The following ICAM1 variants were observed in gnomAD, a reference collection of about 807,000 sequenced individuals.
The protein encoded by ICAM1 is intercellular adhesion molecule 1, also known as ICAM-1.
A neutral mutation model predicts 42.3 loss-of-function variants in ICAM1; 28 were observed. The ratio of observed to expected loss-of-function variants is 0.66; its 90% confidence interval spans 0.49 to 0.91. ICAM1 has a LOEUF of 0.91. Ranked by LOEUF, ICAM1 falls within the 40% of genes least tolerant of loss-of-function variation. The pLI is 0.00. For synonymous variants in ICAM1, 304 were observed against 305.9 expected (o/e 0.99, Z 0.07); for missense variants, 637 against 688.6 (o/e 0.93, Z 0.84).
At position 10,271,215 on chromosome 19, in the gene ICAM1, C is replaced by G. The variant is rs751378879; in HGVS notation, c.56C>G (p.Ala19Gly). 1 of 1,613,312 alleles carries G rather than the reference C, an allele frequency of 6.2e-7. No individual in the cohort carries two copies. The highest frequency in any genetic ancestry group is 1.1e-5 in the South Asian group (1 of 90,948). Residue 19 changes from alanine (A) to glycine (G), a missense_variant, in exon 1 of 7, where the codon GCT (alanine) becomes GGT (glycine). Physicochemically the swap from Ala to Gly is moderately conservative, Grantham distance 60. Coordinates refer to ENST00000264832, the MANE Select transcript of ICAM1 (RefSeq NM_000201.3). ...ALPALLVLLG[A>G]LFPGPGNAQT... Reference sequence around the variant, plus strand: ...CCCGCACTCCTGGTCCTGCTCGGGGCTCTGTTCCCAGGTGAGTCGGGGTGG... The same window carrying G: ...CCCGCACTCCTGGTCCTGCTCGGGGGTCTGTTCCCAGGTGAGTCGGGGTGG...
rs1427204038 is a variant in ICAM1, at chr19:10,284,011, C to A, written c.638-22C>A. The A allele has an allele frequency of 1.2e-6, 2 of 1,604,696 alleles. No homozygotes were observed. Among genetic ancestry groups the A allele is most frequent in the Non-Finnish European group, 1.7e-6 (2 of 1,173,652 alleles). ...TTCGGGACGTCCATCCCTGTCTGCT[C>A]ACACCTTTCTTCTCTCCCTAGTCCT... On this transcript the variant is annotated intron_variant, in intron 3 of 6. Coordinates refer to ENST00000264832, the MANE Select transcript of ICAM1 (RefSeq NM_000201.3). The surrounding 1 kb of genome is among the most constrained non-coding windows in gnomAD (Gnocchi z 5.4).
At chr19:10,283,199 T>G in intron 2 of ICAM1, 1 of 332,584 alleles carries the variant, frequency 3.0e-6, no homozygotes. Context: ...GGCTGCTGAA[T>G]TTATTTGACC....
Position 10,272,866 on chromosome 19 carries a change from G to C in ICAM1, c.67+1640G>C, listed in dbSNP as rs774966569. ...CCCCTTCTTTCTTACCTGCAAGGTA[G>C]CCAGTTGCTACCCATCCTGTGCTGA... is the stretch of plus-strand genomic sequence containing the variant. On this transcript the variant is annotated intron_variant, in intron 1 of 6. Transcript: ENST00000264832. Among the ~76,000 whole-genome samples the C allele has an allele frequency of 4.8e-4, 73 of 152,116 alleles. 1 individual carries two copies. Among genetic ancestry groups the C allele is most frequent in the Non-Finnish European group, 1.5e-4 (10 of 68,030 alleles).
Position 10,286,112 on chromosome 19 carries a change from G to A in ICAM1, c.*825G>A, listed in dbSNP as rs541617413. 1.4e-4 allele frequency: 22 copies of A among 152,482 alleles called. No individual in the cohort carries two copies. The highest frequency in any genetic ancestry group is 4.8e-4 in the African/African-American group (20 of 41,574). The allele number at this position is 152,482 out of a possible 1,614,324, so 9.4% of individuals were successfully genotyped here. ...CCTTCCCCCCAAAACTGACACCTTTGTTAGCCACCTCCCCACCCACATACA... is the reference window on the plus strand; with the variant it reads ...CCTTCCCCCCAAAACTGACACCTTTATTAGCCACCTCCCCACCCACATACA... On this transcript the variant is annotated 3_prime_UTR_variant, in exon 7 of 7. Transcript: ENST00000264832.
intron 2 of ICAM1, among the ~76,000 whole-genome samples, chr19:10,275,562 C>T (rs965456465): frequency 1.3e-5 from 2 of 152,140 alleles, no homozygotes; most frequent in Non-Finnish European, 2.9e-5. Context: ...CTGCTTCAGA[C>T]ACTTTAATAA....
At chr19:10,281,152 C>T (rs1002459833) in intron 2 of ICAM1, among the ~76,000 whole-genome samples, 21 of 151,940 alleles carry the variant, frequency 1.4e-4, no homozygotes, top group East Asian at 1.9e-4. Context: ...GGATTACAGG[C>T]GTGAGCCACC....
At position 10,271,269 on chromosome 19, in the gene ICAM1, C is replaced by T. The variant is rs770545668; in HGVS notation, c.67+43C>T. Reference sequence around the variant, plus strand: ...TTGCCGTCGGGCCAGTTCTCCGAAGCCCCGGGAGGACCGGCTCCCGGGTCA... The same window carrying T: ...TTGCCGTCGGGCCAGTTCTCCGAAGTCCCGGGAGGACCGGCTCCCGGGTCA... On this transcript the variant is annotated intron_variant, in intron 1 of 6. Coordinates refer to ENST00000264832, the MANE Select transcript of ICAM1 (RefSeq NM_000201.3). 2.0e-5 allele frequency: 32 copies of T among 1,573,528 alleles called. No individual in the cohort carries two copies. The African/African-American group carries it at 3.4e-4, about 17-fold the overall frequency.
rs769191023 is a variant in ICAM1, at chr19:10,271,179, G to C, written c.20G>C (p.Arg7Pro). MAPSSP[R>P]PALPALLVLL... ...CTCGCTATGGCTCCCAGCAGCCCCC[G>C]GCCCGCGCTGCCCGCACTCCTGGTC... The change falls in exon 1 of 7, where the codon CGG (arginine) becomes CCG (proline). Residue 7 changes from arginine (R) to proline (P), a missense_variant. Transcript: ENST00000264832. 28 of 1,613,062 alleles carry C rather than the reference G, an allele frequency of 1.7e-5. No individual in the cohort carries two copies. In the East Asian group the frequency reaches 3.3e-4, roughly 19 times the overall value.
intron 1 of ICAM1, among the ~76,000 whole-genome samples, chr19:10,272,447 C>T (rs1298801400): frequency 6.6e-6 from 1 of 152,002 alleles, no homozygotes; most frequent in African/African-American, 2.4e-5. Context: ...AAATCTGAGA[C>T]AGGAATCTTT....
At position 10,274,931 on chromosome 19, in the gene ICAM1, G is replaced by T. The variant is rs2040006435; in HGVS notation, c.234G>T (p.Val78=). 1 of 1,614,128 alleles carries T rather than the reference G, an allele frequency of 6.2e-7. No homozygotes were observed. The highest frequency in any genetic ancestry group is 1.7e-5 in the Admixed American group (1 of 60,002). ...TCCTGCCTGGGAACAACCGGAAGGT[G>T]TATGAACTGAGCAATGTGCAAGAAG... ...ELLLPGNNRK[V]YELSNVQEDS... The change falls in exon 2 of 7, where the codon GTG becomes GTT. Residue 78 remains valine (V), a synonymous_variant. Transcript: ENST00000264832.
chr19:10,272,271 C>T (rs765084649), intron 1 of ICAM1, among the ~76,000 whole-genome samples: 2 of 152,134 alleles, frequency 1.3e-5, no homozygotes, highest in African/African-American at 4.8e-5. Context: ...GGAGACATAG[C>T]GAGATTCTGT....
chr19:10,279,418 T>C (rs2040040046), intron 2 of ICAM1, among the ~76,000 whole-genome samples: 1 of 152,056 alleles, frequency 6.6e-6, no homozygotes, highest in South Asian at 2.1e-4. Context: ...GGCATATGCT[T>C]GTATTCTCAA....
At chr19:10,271,249 G>T (rs777258307) in intron 1 of ICAM1, 23 bp downstream of exon 1, 68 of 1,608,124 alleles carry the variant, frequency 4.2e-5, no homozygotes, top group Admixed American at 2.0e-4. Context: ...GGGGATTGCC[G>T]TCGGGCCAGT....
intron 2 of ICAM1, among the ~76,000 whole-genome samples, chr19:10,276,515 A>G (rs2040018122): frequency 6.9e-6 from 1 of 144,802 alleles, no homozygotes; most frequent in Admixed American, 7.1e-5. Context: ...ACTGCACTCC[A>G]GCCTGGGCGA....
chr19:10,279,901 G>A (rs2040043612), intron 2 of ICAM1, among the ~76,000 whole-genome samples: 1 of 152,006 alleles, frequency 6.6e-6, no homozygotes, highest in African/African-American at 2.4e-5. Flanking sequence ...GGGAGGAAGG[G>A]TGAGGTTGGC....
intron 2 of ICAM1, among the ~76,000 whole-genome samples, chr19:10,278,614 T>C (rs866171329): frequency 7.8e-6 from 1 of 128,720 alleles, no homozygotes; most frequent in South Asian, 2.8e-4. Flanking sequence ...CCAGGCTGGA[T>C]CACTGCAACC....
intron 1 of ICAM1, among the ~76,000 whole-genome samples, chr19:10,273,287 G>C (rs1039474571): frequency 1.3e-5 from 2 of 152,068 alleles, no homozygotes; most frequent in African/African-American, 4.8e-5. Context: ...GAGGTCAGGA[G>C]TTTGAGACCA....
intron 2 of ICAM1, among the ~76,000 whole-genome samples, chr19:10,276,775 C>T (rs557037636): frequency 1.6e-4 from 24 of 151,628 alleles, no homozygotes; most frequent in Non-Finnish European, 3.2e-4. Context: ...AGTTCGAGAC[C>T]AGCCTGACCA....
intron 2 of ICAM1, among the ~76,000 whole-genome samples, chr19:10,281,944 A>G (rs281434): frequency 0.77 from 117,249 of 151,766 alleles, 45,927 homozygotes; most frequent in Middle Eastern, 0.85. Context: ...GTTTCACTAT[A>G]TTGGCCAGGC....
Sources: allele counts gnomAD v4.1 joint callset (sites outside exome capture counted in the v4.1 genomes callset), GRCh38; gene constraint gnomAD v4.1.1; non-coding constraint Gnocchi (gnomAD v3.1); transcripts MANE v1.5; gene names NCBI Gene and HGNC (gene_info 2026-07-23, HGNC 2026-07-21).